FAM114A1: variants seen among roughly 807,000 people sequenced by gnomAD.
FAM114A1 encodes the protein protein NOXP20.
Under a neutral mutation model 64.3 loss-of-function variants are expected in FAM114A1, and 62 were observed. The observed-to-expected ratio is 0.96, with a 90% CI of 0.79 to 1.19. The LOEUF is 1.19. Ranked by LOEUF, FAM114A1 falls within the 50% of genes most tolerant of loss-of-function variation. The probability of loss-of-function intolerance (pLI) is 0.00; values close to 1 mark genes in which losing one functional copy is unlikely to be tolerated. For missense variants in FAM114A1, 645 were observed against 676.3 expected, an observed-to-expected ratio of 0.95 and a Z score of 0.51; for synonymous variants, 254 against 251.1, an observed-to-expected ratio of 1.01 and a Z score of -0.11.
At chr4:38,887,628 T>C (rs1715950256) in intron 3 of FAM114A1, among the ~76,000 whole-genome samples, 1 of 152,192 alleles carries the variant, frequency 6.6e-6, no homozygotes. Flanking sequence ...CTCTAATAGG[T>C]CAGATTCCTT....
At chr4:38,934,585 T>G (rs1308430808) in intron 12 of FAM114A1, among the ~76,000 whole-genome samples, 1 of 152,234 alleles carries the variant, frequency 6.6e-6, no homozygotes, top group Non-Finnish European at 1.5e-5. Context: ...GAGTGCTGTA[T>G]GCACTAACTG....
intron 7 of FAM114A1, among the ~76,000 whole-genome samples, chr4:38,910,898 G>A (rs1486289798): frequency 6.6e-6 from 1 of 152,188 alleles, no homozygotes; most frequent in Non-Finnish European, 1.5e-5. Flanking sequence ...GCAGACATTC[G>A]TAAGGACCTT....
intron 7 of FAM114A1, among the ~76,000 whole-genome samples, chr4:38,911,377 A>G (rs7681513): frequency 0.49 from 75,236 of 152,144 alleles, 21,116 homozygotes; most frequent in African/African-American, 0.76. Context: ...CCAGTGATTG[A>G]CAGGGAAGAG....
intron 2 of FAM114A1, among the ~76,000 whole-genome samples, chr4:38,875,495 G>A (rs1714524757): frequency 2.0e-5 from 3 of 152,176 alleles, no homozygotes; most frequent in African/African-American, 7.2e-5. Context: ...GTATAGAAAT[G>A]CTACTGATTT....
chr4:38,940,629 C>T (rs934261772), intron 13 of FAM114A1, among the ~76,000 whole-genome samples: 9 of 152,206 alleles, frequency 5.9e-5, no homozygotes, highest in Non-Finnish European at 7.3e-5. Flanking sequence ...TCACTCTTAT[C>T]CCAGACCTGC....
At chr4:38,924,306 A>G (rs886926491) in intron 9 of FAM114A1, among the ~76,000 whole-genome samples, 1 of 152,240 alleles carries the variant, frequency 6.6e-6, no homozygotes, top group African/African-American at 2.4e-5. Flanking sequence ...AATGCCAGGA[A>G]AAAGTAAAGG....
intron 3 of FAM114A1, among the ~76,000 whole-genome samples, chr4:38,884,122 C>G (rs996495237): frequency 6.6e-6 from 1 of 152,110 alleles, no homozygotes; most frequent in Non-Finnish European, 1.5e-5. Flanking sequence ...AGTTGGGGTA[C>G]GGGGAATAAT....
At chr4:38,888,657 T>A (rs1167830880) in intron 3 of FAM114A1, among the ~76,000 whole-genome samples, 3 of 152,232 alleles carry the variant, frequency 2.0e-5, no homozygotes, top group Admixed American at 1.3e-4. Context: ...TAATTTGCTG[T>A]TATAAGAGTT....
chr4:38,924,911 G>A (rs1719967303), intron 9 of FAM114A1, among the ~76,000 whole-genome samples: 1 of 152,112 alleles, frequency 6.6e-6, no homozygotes, highest in Non-Finnish European at 1.5e-5. Context: ...CATTTAGAAA[G>A]GACAAAAAGA....
chr4:38,881,479 A>C (rs1715270480), intron 3 of FAM114A1, among the ~76,000 whole-genome samples: 1 of 152,082 alleles, frequency 6.6e-6, no homozygotes, highest in South Asian at 2.1e-4. Flanking sequence ...CTCTGGATGT[A>C]TTGTGTTGGG....
At chr4:38,924,195 G>T (rs1225723683) in intron 9 of FAM114A1, among the ~76,000 whole-genome samples, 1 of 152,124 alleles carries the variant, frequency 6.6e-6, no homozygotes, top group African/African-American at 2.4e-5. Context: ...CTGTTGTAGG[G>T]GGTCATGTTA....
intron 13 of FAM114A1, among the ~76,000 whole-genome samples, chr4:38,937,703 G>A (rs1395940127): frequency 4.6e-5 from 7 of 152,012 alleles, no homozygotes; most frequent in African/African-American, 1.2e-4. Context: ...GAAATGAACC[G>A]CTGTGGGGAC....
chr4:38,888,330 C>G (rs2109592125), intron 3 of FAM114A1, among the ~76,000 whole-genome samples: 1 of 152,092 alleles, frequency 6.6e-6, no homozygotes, highest in South Asian at 2.1e-4. Flanking sequence ...CCAGCCTGGG[C>G]AACATAGTGA....
chr4:38,938,226 A>G (rs1439027951), intron 13 of FAM114A1, among the ~76,000 whole-genome samples: 2 of 152,202 alleles, frequency 1.3e-5, no homozygotes, highest in Non-Finnish European at 2.9e-5. Flanking sequence ...GCAAACCTGC[A>G]GACCTACCTG....
At chr4:38,869,717 T>C (rs1713835589) in intron 2 of FAM114A1, among the ~76,000 whole-genome samples, 1 of 151,910 alleles carries the variant, frequency 6.6e-6, no homozygotes, top group South Asian at 2.1e-4. Flanking sequence ...GGCACTGTTT[T>C]TGTTTTTTTT....
chr4:38,899,462 T>C (rs1717294313), intron 4 of FAM114A1, among the ~76,000 whole-genome samples: 1 of 152,130 alleles, frequency 6.6e-6, no homozygotes, highest in Non-Finnish European at 1.5e-5. Context: ...GCGCTGTCAG[T>C]AGACAACACT....
chr4:38,917,545 A>G (rs144786324), intron 8 of FAM114A1, among the ~76,000 whole-genome samples: 2 of 152,246 alleles, frequency 1.3e-5, no homozygotes, highest in African/African-American at 2.4e-5. Context: ...AGCACTGAAT[A>G]ATGTACACAT....
chr4:38,870,420 TG>T (rs1316188287), intron 2 of FAM114A1, among the ~76,000 whole-genome samples: 2 of 152,240 alleles, frequency 1.3e-5, no homozygotes, highest in Non-Finnish European at 2.9e-5. Flanking sequence ...CTCAAACAGA[TG>T]ATTGATTTCT....
rs147797042 is a variant in FAM114A1 at position 38,869,695 on chromosome 4, C to T, written c.-9+1149C>T. Reference sequence around the variant, plus strand: ...CTCATCCAGAGTTTTTATTCCTGGTCCTTCGCTGACTGGCACTGTTTTTGT... The same window carrying T: ...CTCATCCAGAGTTTTTATTCCTGGTTCTTCGCTGACTGGCACTGTTTTTGT... On this transcript the variant is annotated intron_variant, in intron 2 of 14. Transcript: ENST00000358869. 5.9e-5 allele frequency among the ~76,000 whole-genome samples: 9 copies of T among 151,946 alleles called. No individual in the cohort carries two copies. In the East Asian group the frequency reaches 1.7e-3, roughly 29 times the overall value.
Sources: allele counts gnomAD v4.1 joint callset (sites outside exome capture counted in the v4.1 genomes callset), GRCh38; gene constraint gnomAD v4.1.1; transcripts MANE v1.5; gene names NCBI Gene and HGNC (gene_info 2026-07-23, HGNC 2026-07-21).